The following NRG3 variants were observed in gnomAD, a reference collection of about 807,000 sequenced individuals.
NRG3 encodes the protein pro-neuregulin-3, membrane-bound isoform.
Under a neutral mutation model 66.9 loss-of-function variants are expected in NRG3, and 31 were observed. The observed-to-expected ratio is 0.46, with a 90% CI of 0.35 to 0.63. NRG3 has a LOEUF of 0.63. Among genes scored for constraint, NRG3 ranks in the 20% least tolerant of loss-of-function variants. NRG3 has a pLI of 0.00. For synonymous variants in NRG3, 393 were observed against 359.4 expected (o/e 1.09, Z -1.06); for missense variants, 910 against 878.9 (o/e 1.04, Z -0.45).
intron 1 of NRG3, among the ~76,000 whole-genome samples, chr10:81,887,314 G>A (rs959953420): frequency 6.6e-6 from 1 of 152,086 alleles, no homozygotes; most frequent in African/African-American, 2.4e-5. Flanking sequence ...TATAGAAGAT[G>A]GGAGTTTAAT....
At chr10:82,302,720 G>C (rs1416374231) in intron 1 of NRG3, among the ~76,000 whole-genome samples, 1 of 152,110 alleles carries the variant, frequency 6.6e-6, no homozygotes, top group Non-Finnish European at 1.5e-5. Flanking sequence ...AACTAGCCAG[G>C]ACTCAATTTC....
chr10:82,310,665 T>C (rs902269704), intron 1 of NRG3, among the ~76,000 whole-genome samples: 7 of 152,194 alleles, frequency 4.6e-5, no homozygotes, highest in Non-Finnish European at 4.4e-5. Flanking sequence ...TTTTTTTTCA[T>C]TGCGAAATAC....
chr10:82,119,865 GTCC>G (rs1314297764), intron 1 of NRG3, among the ~76,000 whole-genome samples: 1 of 151,996 alleles, frequency 6.6e-6, no homozygotes, highest in Admixed American at 6.6e-5. Context: ...AGCACCTCTT[GTCC>G]TCCTTTCTGC....
At chr10:82,780,648 A>T (rs1342716430) in intron 3 of NRG3, among the ~76,000 whole-genome samples, 1 of 151,996 alleles carries the variant, frequency 6.6e-6, no homozygotes, top group Non-Finnish European at 1.5e-5. Context: ...TAACCATGTA[A>T]ATACTGATCT....
At chr10:81,924,319 C>G (rs1157006006) in intron 1 of NRG3, among the ~76,000 whole-genome samples, 1 of 152,254 alleles carries the variant, frequency 6.6e-6, no homozygotes, top group Non-Finnish European at 1.5e-5. Context: ...ATCCAAATCA[C>G]TTTATCATCA....
chr10:82,550,403 C>T (rs987330355), intron 2 of NRG3, among the ~76,000 whole-genome samples: 1 of 152,068 alleles, frequency 6.6e-6, no homozygotes, highest in African/African-American at 2.4e-5. Context: ...TCCATTTTGT[C>T]TTACTTCTGC....
chr10:81,903,316 T>C (rs191561907), intron 1 of NRG3, among the ~76,000 whole-genome samples: 1 of 152,236 alleles, frequency 6.6e-6, no homozygotes, highest in Admixed American at 6.5e-5. Context: ...TTTCCAGATA[T>C]GTTGGAAAGA....
chr10:82,728,281 T>TC (rs1258918293), intron 2 of NRG3, among the ~76,000 whole-genome samples: 3 of 152,148 alleles, frequency 2.0e-5, no homozygotes, highest in Non-Finnish European at 4.4e-5. Flanking sequence ...TTTGGCTGTG[T>TC]CCCCACCCAA....
chr10:82,560,672 A>G (rs1464146220), intron 2 of NRG3, among the ~76,000 whole-genome samples: 1 of 151,152 alleles, frequency 6.6e-6, no homozygotes, highest in Non-Finnish European at 1.5e-5. Context: ...TATAGTATTA[A>G]TAGACACTTC....
chr10:82,807,184 A>C (rs1013430309), intron 3 of NRG3, among the ~76,000 whole-genome samples: 1 of 152,214 alleles, frequency 6.6e-6, no homozygotes, highest in Admixed American at 6.5e-5. Context: ...TAAATGAGAC[A>C]TCTGTCAAAG....
chr10:82,341,127 C>G (rs886462363), intron 1 of NRG3, among the ~76,000 whole-genome samples: 1 of 151,972 alleles, frequency 6.6e-6, no homozygotes, highest in Non-Finnish European at 1.5e-5. Flanking sequence ...TATGTATGCC[C>G]AAAATTTAAA....
intron 3 of NRG3, among the ~76,000 whole-genome samples, chr10:82,746,184 G>A (rs964996601): frequency 7.2e-5 from 11 of 152,284 alleles, no homozygotes; most frequent in African/African-American, 2.6e-4. Flanking sequence ...GAGCCACTGT[G>A]CCAGACTTGT....
intron 1 of NRG3, among the ~76,000 whole-genome samples, chr10:81,916,113 G>A (rs540719917): frequency 3.3e-5 from 5 of 151,966 alleles, no homozygotes; most frequent in African/African-American, 7.2e-5. Context: ...ACTCTGGTGC[G>A]TACTTTTTAC....
chr10:82,722,473 C>T (rs892760273), intron 2 of NRG3, among the ~76,000 whole-genome samples: 2 of 152,238 alleles, frequency 1.3e-5, no homozygotes, highest in East Asian at 1.9e-4. Context: ...TTTGATCCAT[C>T]TTATATTGCA....
intron 5 of NRG3, among the ~76,000 whole-genome samples, chr10:82,952,301 C>T (rs908567892): frequency 1.3e-5 from 2 of 151,782 alleles, no homozygotes; most frequent in African/African-American, 2.4e-5. Flanking sequence ...GGCATGGTGG[C>T]GTGCCACTGT....
intron 4 of NRG3, among the ~76,000 whole-genome samples, chr10:82,879,185 G>C (rs909985254): frequency 1.3e-5 from 2 of 152,118 alleles, no homozygotes; most frequent in African/African-American, 4.8e-5. Context: ...TTCTGTGATA[G>C]TAGAACTTGC....
chr10:82,656,730 A>G (rs147945168), intron 2 of NRG3, among the ~76,000 whole-genome samples: 39 of 152,270 alleles, frequency 2.6e-4, no homozygotes, highest in African/African-American at 8.9e-4. Context: ...CTTCTCCATC[A>G]GCAGTCATGG....
chr10:82,296,136 A>G (rs1196089436), intron 1 of NRG3, among the ~76,000 whole-genome samples: 2 of 152,168 alleles, frequency 1.3e-5, no homozygotes, highest in Non-Finnish European at 2.9e-5. Context: ...TTTCAGGTGA[A>G]GAATATGACA....
chr10:82,144,298 C>G (rs2070072876), intron 1 of NRG3, among the ~76,000 whole-genome samples: 1 of 152,130 alleles, frequency 6.6e-6, no homozygotes, highest in Non-Finnish European at 1.5e-5. Flanking sequence ...GGGACCACAT[C>G]TATCTTATAT....
Sources: gnomAD v4.1 joint callset for allele counts (sites outside exome capture counted in the v4.1 genomes callset) on GRCh38, gnomAD v4.1.1 for gene constraint, MANE v1.5 for transcripts, NCBI Gene and HGNC (gene_info 2026-07-23, HGNC 2026-07-21) for gene names.